Variants in ZNF564 observed in about 807,000 individuals in gnomAD.
The protein encoded by ZNF564 is zinc finger protein 564.
ZNF564 carries 5 observed loss-of-function variants against 10.5 expected under a neutral mutation model. The ratio of observed to expected loss-of-function variants is 0.48; its 90% CI spans 0.25 to 1.00. The LOEUF is 1.00. Among genes scored for constraint, ZNF564 ranks in the 50% least tolerant of loss-of-function variants. ZNF564 has a pLI of 0.16. For synonymous variants in ZNF564, 242 were observed against 218.1 expected, an observed-to-expected ratio of 1.11 and a Z score of -0.97; for missense variants, 603 against 669.7, an observed-to-expected ratio of 0.90 and a Z score of 1.10.
intron 1 of ZNF564, chr19:12,550,520 G>A: frequency 3.5e-6 from 1 of 287,512 alleles, no homozygotes; most frequent in Non-Finnish European, 7.4e-6. Flanking sequence ...GCCGGTCGTG[G>A]CGGCGCATGC....
chr19:12,551,259 C>A (rs968457577), intron 1 of ZNF564, 71 bp downstream of exon 1: 18 of 1,546,236 alleles, frequency 1.2e-5, no homozygotes, highest in Middle Eastern at 1.9e-4. Flanking sequence ...CAGGGTGCTT[C>A]CACAGCCGGT....
intron 1 of ZNF564, chr19:12,548,821 A>G (rs1173623540): frequency 2.8e-6 from 2 of 702,840 alleles, no homozygotes; most frequent in Non-Finnish European, 5.2e-6. Context: ...AGTCCAGATG[A>G]AAGGATACAG....
At chr19:12,551,078 C>T (rs1353572344) in intron 1 of ZNF564, among the ~76,000 whole-genome samples, 2 of 152,228 alleles carry the variant, frequency 1.3e-5, no homozygotes, top group African/African-American at 4.8e-5. Flanking sequence ...GCTGCGGGCG[C>T]GGAGCTGCCC....
intron 1 of ZNF564, among the ~76,000 whole-genome samples, chr19:12,538,767 C>A (rs2145081430): frequency 6.6e-6 from 1 of 151,944 alleles, no homozygotes; most frequent in African/African-American, 2.4e-5. Flanking sequence ...TATGATTGCG[C>A]CACTACACTC....
In ZNF564 at chr19:12,526,427, C is replaced by G. The variant is rs1244749405; in HGVS notation, c.*19G>C. 1.3e-6 allele frequency: 2 copies of G among 1,554,694 alleles called. No individual in the cohort carries two copies. The highest frequency in any genetic ancestry group is 2.0e-5 in the Admixed American group (1 of 49,702). On this transcript the variant is annotated 3_prime_UTR_variant, in exon 4 of 4. Transcript: ENST00000339282. ...TCCATATTCTTTAGATATGTAGATACTTGTAGACCTGTCCTCCACTATTCA... is the reference window on the plus strand; with the variant it reads ...TCCATATTCTTTAGATATGTAGATAGTTGTAGACCTGTCCTCCACTATTCA...
chr19:12,543,822 T>G (rs997451456), intron 1 of ZNF564, among the ~76,000 whole-genome samples: 28 of 152,124 alleles, frequency 1.8e-4, no homozygotes, highest in African/African-American at 6.0e-4. Flanking sequence ...TAACTCCTAA[T>G]GTCGTTGCAT....
chr19:12,535,790 C>CA (rs1210892469), intron 1 of ZNF564, among the ~76,000 whole-genome samples: 1 of 152,024 alleles, frequency 6.6e-6, no homozygotes, highest in Non-Finnish European at 1.5e-5. Flanking sequence ...CTCAGACAGG[C>CA]AGATCACGAG....
chr19:12,535,824 GC>G (rs1477550083), intron 1 of ZNF564, among the ~76,000 whole-genome samples: 5 of 152,088 alleles, frequency 3.3e-5, no homozygotes, highest in Admixed American at 2.0e-4. Flanking sequence ...GACCATCCTG[GC>G]CAACATGGTG....
At chr19:12,542,982 A>G (rs1482872189) in intron 1 of ZNF564, among the ~76,000 whole-genome samples, 5 of 151,708 alleles carry the variant, frequency 3.3e-5, no homozygotes, top group East Asian at 3.9e-4. Context: ...GGCCTGGGCA[A>G]TAAGAGAGAA....
chr19:12,549,883 GGAAAAGATA>G (rs956217900), intron 1 of ZNF564, among the ~76,000 whole-genome samples: 3 of 152,186 alleles, frequency 2.0e-5, no homozygotes, highest in Non-Finnish European at 4.4e-5. Flanking sequence ...ATCAGGACCA[GGAAAAGATA>G]GAGGGCCACA....
intron 1 of ZNF564, among the ~76,000 whole-genome samples, chr19:12,531,370 T>C (rs1176025720): frequency 6.6e-6 from 1 of 151,904 alleles, no homozygotes; most frequent in South Asian, 2.1e-4. Flanking sequence ...AGTTTGAGTC[T>C]GACCTGGGAA....
chr19:12,545,709 A>G (rs2022138521), intron 1 of ZNF564, among the ~76,000 whole-genome samples: 1 of 152,204 alleles, frequency 6.6e-6, no homozygotes, highest in Non-Finnish European at 1.5e-5. Context: ...CAGGCAAATA[A>G]GAGCTGAAAA....
At chr19:12,536,576 G>A (rs1309525417) in intron 1 of ZNF564, among the ~76,000 whole-genome samples, 2 of 152,174 alleles carry the variant, frequency 1.3e-5, no homozygotes, top group Non-Finnish European at 2.9e-5. Context: ...GCCCTGCACT[G>A]TATATTCCGA....
At chr19:12,532,490 G>A (rs542423038) in intron 1 of ZNF564, among the ~76,000 whole-genome samples, 2,720 of 129,828 alleles carry the variant, frequency 0.021, 128 homozygotes, top group Admixed American at 0.13. Flanking sequence ...AGCCGAGATC[G>A]CGCCACTGCA....
chr19:12,531,571 TA>T (rs1180682274), intron 1 of ZNF564, among the ~76,000 whole-genome samples: 12 of 137,714 alleles, frequency 8.7e-5, no homozygotes, highest in Non-Finnish European at 9.6e-5. Flanking sequence ...CCAAAAAAAA[TA>T]AAAAAAAAAA....
rs755156470 is a variant in ZNF564 at position 12,527,379 on chromosome 19, G to A, written c.729C>T (p.His243=). The stretch of plus-strand genomic sequence containing the variant: ...GTCCATCTCCAGTGTGCCTAATCAT[G>A]TGTCTTTGAAAACTTGGAAGAGAAA... ...AFISLPSFQR[H]MIRHTGDGPY... The change falls in exon 4 of 4, where the codon CAC becomes CAT. Residue 243 remains histidine (H), a synonymous_variant. Coordinates refer to ENST00000339282, the MANE Select transcript of ZNF564 (RefSeq NM_144976.4). The A allele has an allele frequency of 1.2e-6, 2 of 1,613,888 alleles. No individual in the cohort carries two copies. The highest frequency in any genetic ancestry group is 2.2e-5 in the South Asian group (2 of 91,046).
chr19:12,541,027 T>C lies in ZNF564; in HGVS notation c.3+10303A>G, dbSNP rs368465495. Reference sequence around the variant, plus strand: ...GTCTCAAAAAAAAAAAAAGACAGCATAGCCCCAGCCTCAGGAATGTGGCAA... The same window carrying C: ...GTCTCAAAAAAAAAAAAAGACAGCACAGCCCCAGCCTCAGGAATGTGGCAA... On this transcript the variant is annotated intron_variant, in intron 1 of 3. Coordinates refer to ENST00000339282, the MANE Select transcript of ZNF564 (RefSeq NM_144976.4). Among the ~76,000 whole-genome samples the C allele has an allele frequency of 5.9e-3, 389 of 66,182 alleles. 2 individuals carry two copies. The highest frequency in any genetic ancestry group is 0.022 in the African/African-American group (364 of 16,338). The allele number at this position is 66,182 out of a possible 152,430, so 43.4% of individuals were successfully genotyped here. A position where few individuals can be genotyped will look rare whatever the true frequency, so the allele number is the denominator to read the frequency against.
chr19:12,539,941 A>C (rs531591933), intron 1 of ZNF564, among the ~76,000 whole-genome samples: 14 of 151,594 alleles, frequency 9.2e-5, no homozygotes, highest in Non-Finnish European at 1.5e-4. Context: ...AGATCGCGCC[A>C]CTGCACTCCA....
At chr19:12,536,539 G>A (rs779320238) in intron 1 of ZNF564, among the ~76,000 whole-genome samples, 4 of 152,142 alleles carry the variant, frequency 2.6e-5, no homozygotes, top group Non-Finnish European at 5.9e-5. Flanking sequence ...TCATGAATGA[G>A]GTCTTCAGCC....
Sources: gnomAD v4.1 joint callset for allele counts (sites outside exome capture counted in the v4.1 genomes callset) on GRCh38, gnomAD v4.1.1 for gene constraint, MANE v1.5 for transcripts, NCBI Gene and HGNC (gene_info 2026-07-23, HGNC 2026-07-21) for gene names.